The following FAM120A variants were observed in gnomAD, a reference collection of about 807,000 sequenced individuals.
FAM120A encodes the protein family with sequence similarity 120 member A, also known as constitutive coactivator of PPAR-gamma-like protein 1.
A neutral mutation model predicts 109.7 loss-of-function variants in FAM120A; 15 were observed. The observed-to-expected ratio is 0.14, with a 90% CI of 0.09 to 0.21. The LOEUF (loss-of-function observed/expected upper bound fraction) is 0.21, where lower values mean the gene tolerates loss of function less well. FAM120A is among the 10% of genes least tolerant of loss of function. The probability of loss-of-function intolerance (pLI) is 1.00; values close to 1 mark genes in which losing one functional copy is unlikely to be tolerated. For synonymous variants in FAM120A, 493 were observed against 572.8 expected, an observed-to-expected ratio of 0.86 and a Z score of 1.99; for missense variants, 899 against 1,439.3, an observed-to-expected ratio of 0.62 and a Z score of 6.07.
chr9:93,453,662 A>G, intron 1 of FAM120A: 4 of 983,982 alleles, frequency 4.1e-6, no homozygotes, highest in Non-Finnish European at 4.8e-6. Context: ...GGCGGCCGGC[A>G]GAGTCCCGAT....
rs1045842731 is a variant in FAM120A, at chr9:93,451,966, C to T, written c.51C>T (p.Ala17=). The T allele has an allele frequency of 1.3e-6, 2 of 1,539,666 alleles. No homozygotes were observed. The highest frequency in any genetic ancestry group is 2.0e-4 in the Middle Eastern group (1 of 5,074). Reference sequence around the variant, plus strand: ...ACATCGAGAAGCACTGCCCGAGCGCCGTGGTGCCGGTGGAGCTGCAGAAGC... The same window carrying T: ...ACATCGAGAAGCACTGCCCGAGCGCTGTGGTGCCGGTGGAGCTGCAGAAGC... The part of the protein sequence containing the change: ...QDYIEKHCPS[A]VVPVELQKLA... The change falls in exon 1 of 18, where the codon GCC becomes GCT. Residue 17 remains alanine, a synonymous_variant. Coordinates refer to ENST00000277165, the MANE Select transcript of FAM120A (RefSeq NM_014612.5).
At chr9:93,453,726 G>T in intron 1 of FAM120A, 1 of 723,402 alleles carries the variant, frequency 1.4e-6, no homozygotes, top group Non-Finnish European at 1.7e-6. Context: ...AAGTTCGGGT[G>T]AGAGGAAGTG....
intron 3 of FAM120A, among the ~76,000 whole-genome samples, chr9:93,496,546 C>T (rs1262863188): frequency 1.3e-5 from 2 of 152,160 alleles, no homozygotes; most frequent in African/African-American, 2.4e-5. Context: ...GATCCCAGCC[C>T]GTCCAGCCTC....
chr9:93,495,108 G>A (rs1261163519), intron 3 of FAM120A, among the ~76,000 whole-genome samples: 1 of 152,188 alleles, frequency 6.6e-6, no homozygotes, highest in Non-Finnish European at 1.5e-5. Flanking sequence ...TAGGCATTGT[G>A]TGGTGGGCAG....
At chr9:93,527,517 T>C (rs961174846) in intron 8 of FAM120A, among the ~76,000 whole-genome samples, 4 of 152,028 alleles carry the variant, frequency 2.6e-5, no homozygotes, top group African/African-American at 9.7e-5. Flanking sequence ...TTGTTGTAGG[T>C]TTTTGTGAAA....
intron 10 of FAM120A, among the ~76,000 whole-genome samples, chr9:93,540,273 T>A (rs528600899): frequency 6.6e-6 from 1 of 152,358 alleles, no homozygotes; most frequent in Admixed American, 6.5e-5. Context: ...TATTCTCTGG[T>A]GGAATACTCA....
intron 3 of FAM120A, among the ~76,000 whole-genome samples, chr9:93,482,009 A>G (rs1324136520): frequency 6.6e-6 from 1 of 151,932 alleles, no homozygotes; most frequent in African/African-American, 2.4e-5. Context: ...GCTCCCTCTA[A>G]TTCCTAGCCC....
chr9:93,529,670 A>G lies in FAM120A; in HGVS notation c.1734+90A>G, dbSNP rs1564347358. ...TTGTCCTTTTGTCCTTTTTTGAACC[A>G]TTTTTCTGTCTTACTAATCTACTTG... On this transcript the variant is annotated intron_variant, in intron 9 of 17. Coordinates refer to ENST00000277165, the MANE Select transcript of FAM120A (RefSeq NM_014612.5). The G allele has an allele frequency of 5.2e-6, 6 of 1,146,556 alleles. 1 individual carries two copies. The highest frequency in any genetic ancestry group is 2.5e-5 in the East Asian group (1 of 39,764). The allele number at this position is 1,146,556 out of a possible 1,614,324, so 71.0% of individuals were successfully genotyped here. A position where few individuals can be genotyped will look rare whatever the true frequency, so the allele number is the denominator to read the frequency against.
intron 3 of FAM120A, among the ~76,000 whole-genome samples, chr9:93,490,030 T>C (rs1859244699): frequency 6.6e-6 from 1 of 152,198 alleles, no homozygotes; most frequent in African/African-American, 2.4e-5. Flanking sequence ...CAACATTTTG[T>C]CACCAAGAAG....
At chr9:93,458,090 G>C (rs867126558) in intron 1 of FAM120A, among the ~76,000 whole-genome samples, 1 of 151,902 alleles carries the variant, frequency 6.6e-6, no homozygotes, top group African/African-American at 2.4e-5. Context: ...TCAGCACCTG[G>C]TTTTACATTC....
chr9:93,514,072 G>T (rs544815632), intron 5 of FAM120A, among the ~76,000 whole-genome samples: 38 of 152,294 alleles, frequency 2.5e-4, no homozygotes, highest in African/African-American at 8.9e-4. Context: ...TCACAGTTCA[G>T]CATGGCTGGG....
chr9:93,522,582 T>C (rs1402201044), intron 7 of FAM120A, among the ~76,000 whole-genome samples: 1 of 152,226 alleles, frequency 6.6e-6, no homozygotes. Flanking sequence ...TATTTTTGCA[T>C]AAAATTACTG....
At chr9:93,562,450 C>T (rs1862500257) in intron 17 of FAM120A, 146 bp downstream of exon 17, 1 of 618,876 alleles carries the variant, frequency 1.6e-6, no homozygotes, top group Non-Finnish European at 2.9e-6. Context: ...GTAACTGGCA[C>T]ACAGCTGCTC....
At chr9:93,462,244 A>C (rs1857825370) in intron 1 of FAM120A, among the ~76,000 whole-genome samples, 1 of 152,224 alleles carries the variant, frequency 6.6e-6, no homozygotes, top group African/African-American at 2.4e-5. Context: ...AAAATTTACC[A>C]ATTTAACCAT....
intron 17 of FAM120A, among the ~76,000 whole-genome samples, chr9:93,563,603 T>C (rs972277451): frequency 6.6e-6 from 1 of 152,220 alleles, no homozygotes; most frequent in Non-Finnish European, 1.5e-5. Flanking sequence ...ATAGGAGCAA[T>C]TCAAGATCTG....
At chr9:93,539,086 C>T (rs1861614964) in intron 10 of FAM120A, among the ~76,000 whole-genome samples, 1 of 151,918 alleles carries the variant, frequency 6.6e-6, no homozygotes, top group Admixed American at 6.6e-5. Flanking sequence ...CAAGCTCCGC[C>T]TCCTGGGTTG....
At chr9:93,514,434 T>C (rs1002617218) in intron 5 of FAM120A, among the ~76,000 whole-genome samples, 1 of 152,236 alleles carries the variant, frequency 6.6e-6, no homozygotes, top group Non-Finnish European at 1.5e-5. Context: ...CAGCAAGCTC[T>C]GGGCTTGGTT....
chr9:93,507,589 G>A (rs754642766), intron 5 of FAM120A, among the ~76,000 whole-genome samples: 10 of 152,280 alleles, frequency 6.6e-5, no homozygotes, highest in African/African-American at 2.4e-4. Flanking sequence ...AAGAGATGGC[G>A]CCCCTGGGGC....
At chr9:93,519,209 T>C (rs1345984149) in intron 7 of FAM120A, among the ~76,000 whole-genome samples, 1 of 152,194 alleles carries the variant, frequency 6.6e-6, no homozygotes, top group African/African-American at 2.4e-5. Flanking sequence ...TCTTAAAATA[T>C]ATTGATGGTA....
Sources: gnomAD v4.1 joint callset for allele counts (sites outside exome capture counted in the v4.1 genomes callset) on GRCh38, gnomAD v4.1.1 for gene constraint, MANE v1.5 for transcripts, NCBI Gene and HGNC (gene_info 2026-07-23, HGNC 2026-07-21) for gene names.